Variants in SPOCK3 observed in about 807,000 individuals in gnomAD.
The protein encoded by SPOCK3 is testican-3.
SPOCK3 carries 30 observed loss-of-function variants against 56.6 expected under a neutral mutation model. That is an observed-to-expected ratio of 0.53 (90% confidence interval 0.40 to 0.72). The LOEUF is 0.72. Among genes scored for constraint, SPOCK3 ranks in the 30% least tolerant of loss-of-function variants. SPOCK3 has a pLI of 0.00. For missense variants in SPOCK3, 527 were observed against 530.0 expected (o/e 0.99, Z 0.06); for synonymous variants, 196 against 183.3 (o/e 1.07, Z -0.56).
chr4:167,112,934 G>GT (rs1310006953), intron 2 of SPOCK3, among the ~76,000 whole-genome samples: 1 of 151,978 alleles, frequency 6.6e-6, no homozygotes, highest in Non-Finnish European at 1.5e-5. Flanking sequence ...CTGTATACTT[G>GT]TATAAGCATA....
intron 2 of SPOCK3, among the ~76,000 whole-genome samples, chr4:167,161,110 T>C (rs1765264037): frequency 1.3e-5 from 2 of 152,110 alleles, no homozygotes; most frequent in South Asian, 4.1e-4. Flanking sequence ...ACAGGCAACC[T>C]ACAGAATGGG....
At chr4:166,994,384 G>A (rs1460784976) in intron 4 of SPOCK3, among the ~76,000 whole-genome samples, 1 of 152,030 alleles carries the variant, frequency 6.6e-6, no homozygotes, top group Non-Finnish European at 1.5e-5. Context: ...AGATCACATG[G>A]CTAAGAACAG....
chr4:166,869,606 CTGTGTGTGTGTGTGTGTGTGTGTGTG>C (rs34623275), intron 6 of SPOCK3, among the ~76,000 whole-genome samples: 16 of 141,828 alleles, frequency 1.1e-4, no homozygotes, highest in Non-Finnish European at 1.8e-4. Flanking sequence ...CAATAGAATT[CTGTGTGTGTGTGTGTGTGTGTGTGTG>C]TGTGTGTGTG....
At chr4:167,012,889 T>G (rs1288535999) in intron 3 of SPOCK3, among the ~76,000 whole-genome samples, 1 of 151,968 alleles carries the variant, frequency 6.6e-6, no homozygotes, top group East Asian at 1.9e-4. Flanking sequence ...TTTTTTAAAC[T>G]TGCCAGATGT....
chr4:166,776,617 T>G (rs540103766), intron 7 of SPOCK3, among the ~76,000 whole-genome samples: 7 of 152,260 alleles, frequency 4.6e-5, no homozygotes, highest in Admixed American at 2.6e-4. Context: ...CAGTACAAAT[T>G]TATCATTATT....
chr4:167,077,226 T>G (rs1757271678), intron 2 of SPOCK3, among the ~76,000 whole-genome samples: 1 of 151,762 alleles, frequency 6.6e-6, no homozygotes, highest in Admixed American at 6.6e-5. Context: ...AATAATTTCA[T>G]TAAATATAGA....
At chr4:166,857,144 T>C (rs959215593) in intron 6 of SPOCK3, among the ~76,000 whole-genome samples, 1 of 152,152 alleles carries the variant, frequency 6.6e-6, no homozygotes, top group Admixed American at 6.6e-5. Flanking sequence ...ATATGGAAGA[T>C]AGTTTGTCTT....
At chr4:166,740,313 A>T (rs976780201) in intron 9 of SPOCK3, among the ~76,000 whole-genome samples, 4 of 133,712 alleles carry the variant, frequency 3.0e-5, no homozygotes, top group Admixed American at 8.1e-5. Context: ...TAATGAAGGT[A>T]ACTCTTCCCA....
At chr4:166,743,551 G>T (rs1004981086) in intron 8 of SPOCK3, among the ~76,000 whole-genome samples, 24 of 152,326 alleles carry the variant, frequency 1.6e-4, no homozygotes, top group African/African-American at 4.8e-4. Context: ...CGACGCAGAA[G>T]ACGGGTGATT....
chr4:166,831,471 T>C (rs1227331168), intron 6 of SPOCK3, among the ~76,000 whole-genome samples: 1 of 152,128 alleles, frequency 6.6e-6, no homozygotes, highest in African/African-American at 2.4e-5. Context: ...CTATATAGGA[T>C]AAAAAAGATA....
At chr4:166,744,631 T>G (rs1279119133) in intron 8 of SPOCK3, among the ~76,000 whole-genome samples, 1 of 152,170 alleles carries the variant, frequency 6.6e-6, no homozygotes, top group Non-Finnish European at 1.5e-5. Context: ...GGATGGAGAA[T>G]GACTTTGACG....
At position 166,741,904 on chromosome 4, in the gene SPOCK3, T is replaced by G. The variant is rs1358053869; in HGVS notation, c.994+93A>C. 3 of 928,778 alleles carry G rather than the reference T, an allele frequency of 3.2e-6. No homozygotes were observed. In the East Asian group the frequency reaches 7.4e-5, roughly 23 times the overall value. The allele number at this position is 928,778 out of a possible 1,614,324, so 57.5% of individuals were successfully genotyped here. ...TGTTGCTGAAATTTAGTGCAGTCTA[T>G]CTTTGTTGGATTAATATTGATTTTA... On this transcript the variant is annotated intron_variant, in intron 9 of 10. Transcript: ENST00000357545.
intron 3 of SPOCK3, among the ~76,000 whole-genome samples, chr4:167,056,803 C>T (rs538981886): frequency 3.2e-4 from 48 of 152,284 alleles, no homozygotes; most frequent in Admixed American, 2.1e-3. Context: ...ACCAAATCTA[C>T]GCCTGATTGC....
intron 6 of SPOCK3, among the ~76,000 whole-genome samples, chr4:166,883,735 C>T (rs568124653): frequency 6.6e-6 from 1 of 152,322 alleles, no homozygotes; most frequent in Admixed American, 6.5e-5. Context: ...GTGACAACAG[C>T]ATATGAATCA....
At chr4:167,143,729 A>C (rs1654442688) in intron 2 of SPOCK3, among the ~76,000 whole-genome samples, 1 of 151,914 alleles carries the variant, frequency 6.6e-6, no homozygotes, top group African/African-American at 2.4e-5. Flanking sequence ...CAAATGGAAA[A>C]CCCTGAGTTC....
At chr4:166,919,692 A>G (rs1454744962) in intron 4 of SPOCK3, among the ~76,000 whole-genome samples, 1 of 152,206 alleles carries the variant, frequency 6.6e-6, no homozygotes, top group Non-Finnish European at 1.5e-5. Flanking sequence ...ATTGTATAAG[A>G]TATAAAGAGT....
At chr4:167,073,168 T>C (rs1756849449) in intron 2 of SPOCK3, among the ~76,000 whole-genome samples, 1 of 151,694 alleles carries the variant, frequency 6.6e-6, no homozygotes, top group Non-Finnish European at 1.5e-5. Flanking sequence ...ATTATCTTAG[T>C]GTTCATAATT....
chr4:167,154,725 T>C (rs1273322724), intron 2 of SPOCK3, among the ~76,000 whole-genome samples: 1 of 152,196 alleles, frequency 6.6e-6, no homozygotes, highest in Non-Finnish European at 1.5e-5. Context: ...AAATCAATCT[T>C]CACATTACAG....
At chr4:166,876,064 G>T (rs974312957) in intron 6 of SPOCK3, among the ~76,000 whole-genome samples, 2 of 152,180 alleles carry the variant, frequency 1.3e-5, no homozygotes, top group African/African-American at 4.8e-5. Flanking sequence ...ACCTATATGG[G>T]ATTGGGAGCA....
Sources: gnomAD v4.1 joint callset for allele counts (sites outside exome capture counted in the v4.1 genomes callset) on GRCh38, gnomAD v4.1.1 for gene constraint, MANE v1.5 for transcripts, NCBI Gene and HGNC (gene_info 2026-07-23, HGNC 2026-07-21) for gene names.